NR3C2: variants seen among roughly 807,000 people sequenced by gnomAD.
The protein encoded by NR3C2 is mineralocorticoid receptor.
In NR3C2, 15 loss-of-function variants were observed where a neutral mutation model predicts 86.4. That is an observed-to-expected ratio of 0.17 (90% confidence interval 0.12 to 0.27). NR3C2 has a LOEUF of 0.27. NR3C2 is among the 10% of genes least tolerant of loss of function. The probability of loss-of-function intolerance (pLI) is 1.00; values close to 1 mark genes in which losing one functional copy is unlikely to be tolerated. For missense variants in NR3C2, 960 were observed against 1,195.6 expected (o/e 0.80, Z 2.91); for synonymous variants, 458 against 450.5 (o/e 1.02, Z -0.21).
chr4:148,348,186 C>T (rs989765091), intron 2 of NR3C2, among the ~76,000 whole-genome samples: 10 of 152,108 alleles, frequency 6.6e-5, no homozygotes, highest in African/African-American at 1.9e-4. Flanking sequence ...GGTCTCAAGT[C>T]ACACTCTGTT....
At chr4:148,397,212 G>T (rs1747905141) in intron 2 of NR3C2, among the ~76,000 whole-genome samples, 1 of 152,224 alleles carries the variant, frequency 6.6e-6, no homozygotes, top group Non-Finnish European at 1.5e-5. Flanking sequence ...CCACCAGGGA[G>T]GGCCCAGCAA....
At chr4:148,357,134 GGGGT>G (rs1745587470) in intron 2 of NR3C2, among the ~76,000 whole-genome samples, 1 of 152,094 alleles carries the variant, frequency 6.6e-6, no homozygotes, top group African/African-American at 2.4e-5. Context: ...AAGGAATAGT[GGGGT>G]GTGTGTTCCA....
intron 3 of NR3C2, chr4:148,208,790 A>G (rs946011178): frequency 6.6e-6 from 1 of 152,152 alleles, no homozygotes; most frequent in African/African-American, 2.4e-5. Flanking sequence ...TCCCATTATT[A>G]CCTTAATTTC....
intron 2 of NR3C2, among the ~76,000 whole-genome samples, chr4:148,416,529 A>G (rs1749011662): frequency 6.6e-6 from 1 of 152,246 alleles, no homozygotes; most frequent in African/African-American, 2.4e-5. Context: ...ACCTGGCTGA[A>G]GAGTCCATGC....
At chr4:148,240,491 C>A (rs1327602246) in intron 3 of NR3C2, among the ~76,000 whole-genome samples, 4 of 151,958 alleles carry the variant, frequency 2.6e-5, no homozygotes, top group African/African-American at 9.7e-5. Context: ...TTTCTTGTAG[C>A]AAAAGCAGCC....
rs536423277 is a variant in NR3C2, at chr4:148,243,023, G to T, written c.1897+16955C>A. On this transcript the variant is annotated intron_variant, in intron 3 of 8. Coordinates refer to ENST00000358102, the MANE Select transcript of NR3C2 (RefSeq NM_000901.5). ...GGCAGGATTTCTTCATACTTTTCAG[G>T]TTTTTTTTTTTTTTTTTAATTTTTA... Among the ~76,000 whole-genome samples, 437 of 140,528 alleles carry T rather than the reference G, an allele frequency of 3.1e-3. 1 individual carries two copies. The highest frequency in any genetic ancestry group is 0.011 in the African/African-American group (426 of 38,238). The allele number at this position is 140,528 out of a possible 152,430, so 92.2% of individuals were successfully genotyped here.
intron 2 of NR3C2, among the ~76,000 whole-genome samples, chr4:148,324,435 A>C (rs1388267586): frequency 1.3e-5 from 2 of 151,534 alleles, no homozygotes; most frequent in African/African-American, 4.9e-5. Context: ...CCACTGACCA[A>C]CACTTAGGTT....
At chr4:148,444,997 G>C, upstream of NR3C2, 2 of 983,104 alleles carry the variant, frequency 2.0e-6, no homozygotes, top group Non-Finnish European at 2.4e-6. Flanking sequence ...GGGGGAGCCT[G>C]CGCCCCCCTC....
At chr4:148,314,499 T>C (rs1241036305) in intron 2 of NR3C2, among the ~76,000 whole-genome samples, 2 of 152,162 alleles carry the variant, frequency 1.3e-5, no homozygotes, top group Non-Finnish European at 2.9e-5. Context: ...TATCTTACAT[T>C]TATATTTTAC....
Position 148,137,897 on chromosome 4 carries a change from T to C in NR3C2, c.2510+14572A>G, listed in dbSNP as rs182480255. ...AAACAATGCCATTCTTCTCACTTTT[T>C]TTGAAAAAAGTTCTTTTTCATAAAA... On this transcript the variant is annotated intron_variant, in intron 6 of 8. Transcript: ENST00000358102. Among the ~76,000 whole-genome samples, 13 of 152,336 alleles carry C rather than the reference T, an allele frequency of 8.5e-5. No homozygotes were observed. In the South Asian group the frequency reaches 1.7e-3, roughly 19 times the overall value.
intron 2 of NR3C2, among the ~76,000 whole-genome samples, chr4:148,364,040 T>C (rs1342268952): frequency 6.6e-6 from 1 of 152,218 alleles, no homozygotes; most frequent in Non-Finnish European, 1.5e-5. Context: ...GTTTCATAAC[T>C]TCTGGGTAAG....
At chr4:148,393,249 C>T (rs560334639) in intron 2 of NR3C2, among the ~76,000 whole-genome samples, 13 of 152,286 alleles carry the variant, frequency 8.5e-5, no homozygotes, top group Admixed American at 2.6e-4. Flanking sequence ...AAAGTACAGT[C>T]ATTTTTCAAT....
intron 8 of NR3C2, among the ~76,000 whole-genome samples, chr4:148,098,340 T>C (rs1016899602): frequency 7.2e-5 from 11 of 152,210 alleles, no homozygotes; most frequent in Admixed American, 3.9e-4. Flanking sequence ...GCCTGAAGGA[T>C]GCTTCTTTAA....
intron 2 of NR3C2, among the ~76,000 whole-genome samples, chr4:148,289,273 CAA>C (rs34696054): frequency 0.012 from 1,559 of 130,828 alleles, 26 homozygotes; most frequent in African/African-American, 0.038. Context: ...TATTTACAGC[CAA>C]AAAAAAAAAA....
chr4:148,296,282 G>C (rs761018817), intron 2 of NR3C2, among the ~76,000 whole-genome samples: 2 of 151,632 alleles, frequency 1.3e-5, no homozygotes, highest in Non-Finnish European at 2.9e-5. Context: ...CTTAAGGATG[G>C]TACCACATTT....
intron 2 of NR3C2, among the ~76,000 whole-genome samples, chr4:148,379,687 C>T (rs1451901412): frequency 3.3e-5 from 5 of 152,162 alleles, no homozygotes; most frequent in African/African-American, 1.2e-4. Flanking sequence ...AAGCACCTTC[C>T]ATTTTCTAAT....
intron 3 of NR3C2, among the ~76,000 whole-genome samples, chr4:148,214,686 C>T (rs776739464): frequency 9.9e-5 from 15 of 152,252 alleles, no homozygotes; most frequent in Admixed American, 2.0e-4. Context: ...GGAGCCTGCA[C>T]GCCCTGGCTC....
At chr4:148,168,366 A>G (rs1372337077) in intron 4 of NR3C2, among the ~76,000 whole-genome samples, 1 of 152,208 alleles carries the variant, frequency 6.6e-6, no homozygotes, top group Non-Finnish European at 1.5e-5. Flanking sequence ...AGCCTTCTAG[A>G]CCCAGAAAGG....
chr4:148,145,021 G>A (rs764065577), intron 6 of NR3C2, among the ~76,000 whole-genome samples: 1 of 152,150 alleles, frequency 6.6e-6, no homozygotes, highest in Non-Finnish European at 1.5e-5. Context: ...GCGACCCTCA[G>A]GTCAGGCAGT....
Sources: allele counts gnomAD v4.1 joint callset (sites outside exome capture counted in the v4.1 genomes callset), GRCh38; gene constraint gnomAD v4.1.1; transcripts MANE v1.5; gene names NCBI Gene and HGNC (gene_info 2026-07-23, HGNC 2026-07-21).